TRDN: variants seen among roughly 807,000 people sequenced by gnomAD.
The protein encoded by TRDN is triadin.
Under a neutral mutation model 149.7 loss-of-function variants are expected in TRDN, and 161 were observed. The ratio of observed to expected loss-of-function variants is 1.08; its 90% confidence interval spans 0.95 to 1.23. The LOEUF (loss-of-function observed/expected upper bound fraction) is 1.23. Among genes scored for constraint, TRDN ranks in the 50% most tolerant of loss-of-function variants. TRDN has a pLI of 0.00. For missense variants in TRDN, 896 were observed against 823.5 expected (o/e 1.09, Z -1.08); for synonymous variants, 294 against 250.5 (o/e 1.17, Z -1.64).
intron 9 of TRDN, among the ~76,000 whole-genome samples, chr6:123,471,941 T>A (rs1366920487): frequency 6.6e-6 from 1 of 152,184 alleles, no homozygotes; most frequent in South Asian, 2.1e-4. Context: ...ATGCATAGAA[T>A]CATAGAGTTT....
intron 8 of TRDN, among the ~76,000 whole-genome samples, chr6:123,499,719 A>AAAAAAAAAAAAAAAAAAATATAT: frequency 2.1e-5 from 1 of 47,684 alleles, no homozygotes; most frequent in African/African-American, 7.1e-5. Context: ...AAAAAAAAAA[A>AAAAAAAAAAAAAAAAAAATATAT]ATATATATAT....
rs1427267027 is a variant in TRDN, at chr6:123,284,006, A to ATATATATATATATATATATATAT, written c.1511-4925_1511-4924insATATATATATATATATATATATA. 1.0e-3 allele frequency among the ~76,000 whole-genome samples: 123 copies of ATATATATATATATATATATATAT among 119,374 alleles called. 5 individuals carry two copies. The highest frequency in any genetic ancestry group is 1.2e-3 in the Non-Finnish European group (71 of 58,044). The allele number at this position is 119,374 out of a possible 152,430, so 78.3% of individuals were successfully genotyped here. On this transcript the variant is annotated intron_variant, in intron 24 of 40. Coordinates refer to ENST00000334268, the MANE Select transcript of TRDN (RefSeq NM_006073.4). Reference sequence around the variant, plus strand: ...GGCACATATATATATATATATATGTAACAAACCTGCACATTGTGCACATGT... The same window carrying ATATATATATATATATATATATAT: ...GGCACATATATATATATATATATGTATATATATATATATATATATATATACAAACCTGCACATTGTGCACATGT...
At chr6:123,525,280 T>C (rs1056455070) in intron 5 of TRDN, among the ~76,000 whole-genome samples, 1 of 152,022 alleles carries the variant, frequency 6.6e-6, no homozygotes, top group African/African-American at 2.4e-5. Flanking sequence ...CTATTCGCAG[T>C]GGCAAAGTCA....
At chr6:123,636,716 T>C (rs1414621683) in intron 1 of TRDN, 38 bp downstream of exon 1, 27 of 1,609,962 alleles carry the variant, frequency 1.7e-5, no homozygotes, top group Non-Finnish European at 2.3e-5. Context: ...GCATATTTTT[T>C]TTCCTTACTT....
intron 33 of TRDN, among the ~76,000 whole-genome samples, chr6:123,264,934 T>C (rs1291917670): frequency 6.6e-6 from 1 of 152,040 alleles, no homozygotes; most frequent in Non-Finnish European, 1.5e-5. Context: ...AAACATAATC[T>C]TTATGTGCAC....
At chr6:123,540,464 A>G (rs976591703) in intron 4 of TRDN, among the ~76,000 whole-genome samples, 1 of 152,152 alleles carries the variant, frequency 6.6e-6, no homozygotes, top group Non-Finnish European at 1.5e-5. Context: ...ATATCAAGTC[A>G]TTTCAGAAGC....
Position 123,269,754 on chromosome 6 carries a change from T to C in TRDN, c.1738+95A>G, listed in dbSNP as rs1777142038. On this transcript the variant is annotated intron_variant, in intron 31 of 40. Coordinates refer to ENST00000334268, the MANE Select transcript of TRDN (RefSeq NM_006073.4). ...ACAGTTATTTAGACACAGACAACAC[T>C]GAAAATAACATTTTTCTTAAAAAAA... 20 of 1,277,484 alleles carry C rather than the reference T, an allele frequency of 1.6e-5. No homozygotes were observed. In the South Asian group the frequency reaches 2.6e-4, roughly 17 times the overall value. The allele number at this position is 1,277,484 out of a possible 1,614,324, so 79.1% of individuals were successfully genotyped here. A position where few individuals can be genotyped will look rare whatever the true frequency, so the allele number is the denominator to read the frequency against.
intron 1 of TRDN, among the ~76,000 whole-genome samples, chr6:123,622,291 ATCTC>A (rs572907159): frequency 1.4e-4 from 20 of 138,108 alleles, no homozygotes; most frequent in African/African-American, 3.8e-4. Flanking sequence ...CATTGTAATT[ATCTC>A]TCTCTCTCTA....
At chr6:123,491,393 C>A (rs1403570306) in intron 9 of TRDN, among the ~76,000 whole-genome samples, 2 of 152,032 alleles carry the variant, frequency 1.3e-5, no homozygotes, top group Non-Finnish European at 2.9e-5. Flanking sequence ...TTGTTTCTTT[C>A]TGAAGATATT....
intron 12 of TRDN, among the ~76,000 whole-genome samples, chr6:123,435,496 G>C (rs1774517848): frequency 6.7e-6 from 1 of 148,818 alleles, no homozygotes; most frequent in African/African-American, 2.5e-5. Context: ...CAATCTCTCT[G>C]TCTCTCTCTC....
intron 12 of TRDN, among the ~76,000 whole-genome samples, chr6:123,412,884 C>T (rs974401232): frequency 1.1e-4 from 16 of 152,040 alleles, no homozygotes; most frequent in South Asian, 4.1e-4. Context: ...AAATTATGTT[C>T]GGTTCATTAG....
chr6:123,352,855 T>A (rs1329162438), intron 20 of TRDN, among the ~76,000 whole-genome samples: 1 of 151,966 alleles, frequency 6.6e-6, no homozygotes, highest in Non-Finnish European at 1.5e-5. Context: ...AAACAAGCTC[T>A]ACATAGAATT....
At chr6:123,546,291 A>G (rs1781109496) in intron 4 of TRDN, among the ~76,000 whole-genome samples, 1 of 152,080 alleles carries the variant, frequency 6.6e-6, no homozygotes, top group Non-Finnish European at 1.5e-5. Flanking sequence ...TGCCTTTGCC[A>G]TAGTTGAGTT....
At chr6:123,447,549 A>G (rs1480589627) in intron 10 of TRDN, among the ~76,000 whole-genome samples, 1 of 152,152 alleles carries the variant, frequency 6.6e-6, no homozygotes, top group East Asian at 1.9e-4. Flanking sequence ...AGCACGTGTT[A>G]TTATAAATGC....
At chr6:123,483,325 G>A (rs62420488) in intron 9 of TRDN, among the ~76,000 whole-genome samples, 26,379 of 151,150 alleles carry the variant, frequency 0.17, 2,463 homozygotes, top group South Asian at 0.3. Flanking sequence ...GATGGTCTCG[G>A]TCTCCTGACC....
At chr6:123,236,902 T>C (rs1405527168) in intron 38 of TRDN, among the ~76,000 whole-genome samples, 2 of 144,292 alleles carry the variant, frequency 1.4e-5, no homozygotes, top group Non-Finnish European at 2.9e-5. Context: ...TTAAAAAATG[T>C]TTTAGCTATT....
chr6:123,579,399 C>T (rs558082198), intron 1 of TRDN, among the ~76,000 whole-genome samples: 2 of 152,214 alleles, frequency 1.3e-5, no homozygotes, highest in East Asian at 3.9e-4. Flanking sequence ...TTGAGATAAT[C>T]ATGTGGTTTT....
At chr6:123,548,660 C>A in intron 2 of TRDN, 48 bp from the exon 3 acceptor site, 1 of 1,291,086 alleles carries the variant, frequency 7.7e-7, no homozygotes, top group South Asian at 2.6e-5. Context: ...GTGATCATTT[C>A]CAAATAACTT....
At chr6:123,508,742 C>T (rs1156620922) in intron 7 of TRDN, among the ~76,000 whole-genome samples, 1 of 152,154 alleles carries the variant, frequency 6.6e-6, no homozygotes, top group African/African-American at 2.4e-5. Flanking sequence ...TGCCTTTCAG[C>T]AAGCAGTATG....
Sources: gnomAD v4.1 joint callset for allele counts (sites outside exome capture counted in the v4.1 genomes callset) on GRCh38, gnomAD v4.1.1 for gene constraint, MANE v1.5 for transcripts, NCBI Gene and HGNC (gene_info 2026-07-23, HGNC 2026-07-21) for gene names.